Variants in PDCD2L observed in about 807,000 individuals in gnomAD.
PDCD2L encodes programmed cell death 2 like.
Under a neutral mutation model 40.4 loss-of-function variants are expected in PDCD2L, and 44 were observed. The observed-to-expected ratio is 1.09, with a 90% confidence interval of 0.86 to 1.40. The LOEUF (loss-of-function observed/expected upper bound fraction) is 1.40. PDCD2L is among the 40% of genes most tolerant of loss of function. PDCD2L has a pLI of 0.00. For missense variants in PDCD2L, 470 were observed against 453.7 expected (o/e 1.04, Z -0.33); for synonymous variants, 194 against 174.6 (o/e 1.11, Z -0.88).
At chr19:34,416,905 G>A (rs1466545991) in intron 5 of PDCD2L, among the ~76,000 whole-genome samples, 2 of 152,208 alleles carry the variant, frequency 1.3e-5, no homozygotes, top group Non-Finnish European at 2.9e-5. Context: ...CACGAGGTCA[G>A]TAGATCGAGA....
chr19:34,422,031 G>A lies in PDCD2L; in HGVS notation c.946+364G>A, dbSNP rs2075153942. The A allele has an allele frequency of 1.9e-5, 3 of 154,236 alleles. No individual in the cohort carries two copies. The South Asian group carries it at 5.8e-4, about 30-fold the overall frequency. 9.6% of individuals were successfully genotyped at this position (154,236 alleles called of 1,614,324 possible). On this transcript the variant is annotated intron_variant, in intron 6 of 6. Transcript: ENST00000246535. ...GAACCCAGGAGGTAGAGGTTGCAGT[G>A]AGCCAAGATCGCACCACTCTACTCC...
At position 34,426,151 on chromosome 19, in the gene PDCD2L, CAA is replaced by C; in HGVS notation, c.*33_*34del. The C allele has an allele frequency of 6.9e-7, 1 of 1,447,582 alleles. No homozygotes were observed. The highest frequency in any genetic ancestry group is 1.2e-5 in the South Asian group (1 of 83,892). The allele number at this position is 1,447,582 out of a possible 1,614,324, so 89.7% of individuals were successfully genotyped here. A position where few individuals can be genotyped will look rare whatever the true frequency, so the allele number is the denominator to read the frequency against. The stretch of plus-strand genomic sequence containing the variant: ...TTCCTTTTATTAATATAAATTAAAA[CAA>C]ATGTTTACATCCAAATATGTTTGTA... On this transcript the variant is annotated 3_prime_UTR_variant, in exon 7 of 7. Coordinates refer to ENST00000246535, the MANE Select transcript of PDCD2L (RefSeq NM_032346.2).
chr19:34,417,903 A>C (rs901810999), intron 5 of PDCD2L, among the ~76,000 whole-genome samples: 1 of 152,242 alleles, frequency 6.6e-6, no homozygotes, highest in Non-Finnish European at 1.5e-5. Context: ...GGAGTATAAG[A>C]ATAGTTGACA....
chr19:34,411,963 C>CAT (rs74177146), intron 4 of PDCD2L, among the ~76,000 whole-genome samples: 34,741 of 137,494 alleles, frequency 0.25, 5,232 homozygotes, highest in East Asian at 0.73. Flanking sequence ...ATGAAAAATA[C>CAT]ATATATATAT....
At chr19:34,420,696 G>A (rs147023600) in intron 5 of PDCD2L, among the ~76,000 whole-genome samples, 18 of 151,928 alleles carry the variant, frequency 1.2e-4, no homozygotes, top group African/African-American at 4.1e-4. Context: ...GGAGGCTGAG[G>A]TAAGAGGATT....
At position 34,409,307 on chromosome 19, in the gene PDCD2L, G is replaced by C; in HGVS notation, c.483G>C (p.Arg161=). Residue 161 remains arginine, a synonymous_variant, in exon 4 of 7, where the codon CGG becomes CGC. Transcript: ENST00000246535. ...SSAKDVDWTA[R]LQDLRLQDAV... Reference sequence around the variant, plus strand: ...CCAAAGACGTAGACTGGACTGCTCGGCTCCAAGACCTCCGCCTGCAGGATG... The same window carrying C: ...CCAAAGACGTAGACTGGACTGCTCGCCTCCAAGACCTCCGCCTGCAGGATG... 1.2e-6 allele frequency: 2 copies of C among 1,614,116 alleles called. No homozygotes were observed. Among genetic ancestry groups the C allele is most frequent in the Non-Finnish European group, 1.7e-6 (2 of 1,180,030 alleles).
intron 5 of PDCD2L, among the ~76,000 whole-genome samples, chr19:34,419,578 C>T (rs2075140096): frequency 6.6e-6 from 1 of 151,088 alleles, no homozygotes; most frequent in Admixed American, 6.6e-5. Context: ...AAGCAGTTCC[C>T]TCACCTCAGC....
Position 34,421,591 on chromosome 19 carries a change from C to T in PDCD2L, c.870C>T (p.Ser290=). The T allele has an allele frequency of 6.2e-7, 1 of 1,613,526 alleles. No homozygotes were observed. Among genetic ancestry groups the T allele is most frequent in the Non-Finnish European group, 8.5e-7 (1 of 1,179,490 alleles). Residue 290 remains serine (S), a synonymous_variant, in exon 6 of 7, where the codon AGC becomes AGT. Coordinates refer to ENST00000246535, the MANE Select transcript of PDCD2L (RefSeq NM_032346.2). ...TSEVTELPAC[S]QCGGQRIFEF... is the part of the protein sequence containing the mutation. ...AAGTCACCGAGCTCCCAGCCTGCAGCCAGTGTGGAGGCCAAAGGATATTTG... is the reference window on the plus strand; with the variant it reads ...AAGTCACCGAGCTCCCAGCCTGCAGTCAGTGTGGAGGCCAAAGGATATTTG...
At chr19:34,413,672 G>T in intron 4 of PDCD2L, 65 bp from the exon 5 acceptor site, 1 of 1,004,158 alleles carries the variant, frequency 1.0e-6, no homozygotes, top group South Asian at 1.4e-5. Flanking sequence ...ATCTTGTTTT[G>T]TCTTGCAAAT....
intron 6 of PDCD2L, among the ~76,000 whole-genome samples, chr19:34,424,685 C>T (rs2075167797): frequency 6.6e-6 from 1 of 151,910 alleles, no homozygotes; most frequent in African/African-American, 2.4e-5. Context: ...GCGCTTTTCC[C>T]TTACCAGTCA....
At chr19:34,409,087 G>T in intron 3 of PDCD2L, 74 bp from the exon 4 acceptor site, 1 of 1,394,862 alleles carries the variant, frequency 7.2e-7, no homozygotes, top group South Asian at 1.3e-5. Context: ...GCGCGGCGGT[G>T]GGTGGCTGGA....
chr19:34,423,977 G>A (rs2145474879), intron 6 of PDCD2L, among the ~76,000 whole-genome samples: 1 of 152,184 alleles, frequency 6.6e-6, no homozygotes, highest in Non-Finnish European at 1.5e-5. Context: ...GATTGTGCAT[G>A]GTAATGTGGC....
In PDCD2L at chr19:34,412,150, G is replaced by A. The variant is rs1338302822; in HGVS notation, c.687-1587G>A. Among the ~76,000 whole-genome samples, 4 of 151,506 alleles carry A rather than the reference G, an allele frequency of 2.6e-5. No homozygotes were observed. In the East Asian group the frequency reaches 5.8e-4, roughly 22 times the overall value. On this transcript the variant is annotated intron_variant, in intron 4 of 6. Coordinates refer to ENST00000246535, the MANE Select transcript of PDCD2L (RefSeq NM_032346.2). ...TTCTCCTCCCTTAGCCTCCTGAATA[G>A]CTAGGATTACAAGTGCATACCACCA... is the stretch of plus-strand genomic sequence containing the variant.
chr19:34,415,297 G>A (rs35800159), intron 5 of PDCD2L, among the ~76,000 whole-genome samples: 118,665 of 151,732 alleles, frequency 0.78, 47,608 homozygotes, highest in Non-Finnish European at 0.88. Flanking sequence ...TATTTTTAGT[G>A]GAGACGGAGT....
chr19:34,421,537 G>C lies in PDCD2L; in HGVS notation c.816G>C (p.Glu272Asp), dbSNP rs2145471869. Residue 272 changes from glutamate to aspartate, a missense_variant, in exon 6 of 7, where the codon GAG (glutamate) becomes GAC (aspartate). By Grantham distance (45) the Glu-to-Asp change is conservative. Transcript: ENST00000246535. Reference sequence around the variant, plus strand: ...GTCCTAGGTATTCCTGGAGTGGAGAGCCACTCTTTTTGACCTGCCCTACAT... The same window carrying C: ...GTCCTAGGTATTCCTGGAGTGGAGACCCACTCTTTTTGACCTGCCCTACAT... ...EQILRYSWSG[E>D]PLFLTCPTSE... 1 of 1,614,032 alleles carries C rather than the reference G, an allele frequency of 6.2e-7. No individual in the cohort carries two copies. Among genetic ancestry groups the C allele is most frequent in the East Asian group, 2.2e-5 (1 of 44,862 alleles).
At chr19:34,405,980 A>G (rs2075073220) in intron 3 of PDCD2L, among the ~76,000 whole-genome samples, 1 of 152,172 alleles carries the variant, frequency 6.6e-6, no homozygotes, top group Non-Finnish European at 1.5e-5. Context: ...GTCTCTATAA[A>G]AAGTAAACAA....
intron 4 of PDCD2L, among the ~76,000 whole-genome samples, chr19:34,412,702 A>C (rs1385059754): frequency 6.9e-6 from 1 of 145,232 alleles, no homozygotes; most frequent in Admixed American, 7.0e-5. Context: ...TGGGTGACAG[A>C]GGGAGACTCC....
intron 5 of PDCD2L, among the ~76,000 whole-genome samples, chr19:34,417,446 A>G (rs1349553126): frequency 6.6e-6 from 1 of 152,046 alleles, no homozygotes; most frequent in Admixed American, 6.6e-5. Flanking sequence ...TGTCTCTACT[A>G]AAAATACAAA....
chr19:34,421,425 G>A, intron 5 of PDCD2L, 94 bp from the exon 6 acceptor site: 1 of 1,448,292 alleles, frequency 6.9e-7, no homozygotes. Context: ...GGAGATTTCT[G>A]CAAGAAACAA....
Sources: gnomAD v4.1 joint callset for allele counts (sites outside exome capture counted in the v4.1 genomes callset) on GRCh38, gnomAD v4.1.1 for gene constraint, MANE v1.5 for transcripts, NCBI Gene and HGNC (gene_info 2026-07-23, HGNC 2026-07-21) for gene names.